Variants in INO80D observed in about 807,000 individuals in gnomAD.
The protein encoded by INO80D is INO80 complex subunit D.
In INO80D, 21 loss-of-function variants were observed where a neutral mutation model predicts 87.6. That is an observed-to-expected ratio of 0.24 (90% confidence interval 0.17 to 0.35). The LOEUF (loss-of-function observed/expected upper bound fraction) is 0.35, where lower values mean the gene tolerates loss of function less well. Among genes scored for constraint, INO80D ranks in the 10% least tolerant of loss-of-function variants. INO80D has a pLI of 1.00. For missense variants in INO80D, 982 were observed against 1,280.7 expected, an observed-to-expected ratio of 0.77 and a Z score of 3.56; for synonymous variants, 440 against 491.0, an observed-to-expected ratio of 0.90 and a Z score of 1.37.
Position 206,063,044 on chromosome 2 carries a change from A to C in INO80D, c.-28T>G. 1 of 1,494,658 alleles carries C rather than the reference A, an allele frequency of 6.7e-7. No individual in the cohort carries two copies. The highest frequency in any genetic ancestry group is 1.2e-5 in the South Asian group (1 of 86,786). 92.6% of individuals were successfully genotyped at this position (1,494,658 alleles called of 1,614,324 possible). On this transcript the variant is annotated splice_region_variant and 5_prime_UTR_variant, in exon 3 of 11. Coordinates refer to ENST00000403263, the MANE Select transcript of INO80D (RefSeq NM_017759.5). ...CGTGACTCTATTCCTTGTGAACATC[A>C]GCTAAAAGGCCACCACAAAAAAAGA...
rs570820601 is a variant in INO80D, at chr2:206,022,541, T to C, written c.1299-2696A>G. ...TTGACATGCCCTATTGCACCCCCCATAAATAATGATGTTTCCATACAAACA... is the reference window on the plus strand; with the variant it reads ...TTGACATGCCCTATTGCACCCCCCACAAATAATGATGTTTCCATACAAACA... On this transcript the variant is annotated intron_variant, in intron 6 of 10. Coordinates refer to ENST00000403263, the MANE Select transcript of INO80D (RefSeq NM_017759.5). 3.3e-5 allele frequency among the ~76,000 whole-genome samples: 5 copies of C among 152,236 alleles called. No individual in the cohort carries two copies. The South Asian group carries it at 1.0e-3, about 32-fold the overall frequency.
chr2:206,036,692 A>G (rs887629377), intron 5 of INO80D, among the ~76,000 whole-genome samples: 5 of 152,132 alleles, frequency 3.3e-5, no homozygotes, highest in African/African-American at 1.2e-4. Context: ...TACCACCTGT[A>G]CCCCAATAAC....
At chr2:206,073,077 ATCC>A (rs777962653) in intron 1 of INO80D, among the ~76,000 whole-genome samples, 4 of 151,928 alleles carry the variant, frequency 2.6e-5, no homozygotes, top group Non-Finnish European at 5.9e-5. Context: ...GCCTCAAGTG[ATCC>A]TCCTGCTTCA....
intron 1 of INO80D, among the ~76,000 whole-genome samples, chr2:206,068,183 C>T (rs551042348): frequency 2.0e-5 from 3 of 152,270 alleles, no homozygotes; most frequent in South Asian, 4.1e-4. Flanking sequence ...ACTGCAACCT[C>T]AAACTTCTGG....
At chr2:206,072,688 A>C (rs1690006897) in intron 1 of INO80D, among the ~76,000 whole-genome samples, 1 of 152,192 alleles carries the variant, frequency 6.6e-6, no homozygotes, top group Non-Finnish European at 1.5e-5. Context: ...AAGAATAGAG[A>C]TCTCAGTACT....
Position 206,007,186 on chromosome 2 carries a change from GT to G in INO80D, c.1918+97del, listed in dbSNP as rs1688049501. On this transcript the variant is annotated intron_variant, in intron 10 of 10. Coordinates refer to ENST00000403263, the MANE Select transcript of INO80D (RefSeq NM_017759.5). ...CTATCTACAGTGAAAGACATTACATGTGAGGAGGAATATGATAAACACATCT... is the reference window on the plus strand; with the variant it reads ...CTATCTACAGTGAAAGACATTACATGGAGGAGGAATATGATAAACACATCT... 8 of 1,007,516 alleles carry G rather than the reference GT, an allele frequency of 7.9e-6. No individual in the cohort carries two copies. The Admixed American group carries it at 1.0e-4, about 13-fold the overall frequency. 62.4% of individuals were successfully genotyped at this position (1,007,516 alleles called of 1,614,324 possible). A position where few individuals can be genotyped will look rare whatever the true frequency, so the allele number is the denominator to read the frequency against.
At chr2:206,009,921 T>C (rs922137101) in intron 8 of INO80D, 127 bp from the exon 9 acceptor site, 4 of 681,258 alleles carry the variant, frequency 5.9e-6, no homozygotes, top group Non-Finnish European at 9.7e-6. Context: ...CCCAAAACTA[T>C]GTATAACAAT....
At chr2:206,053,111 C>G (rs564666315) in intron 4 of INO80D, among the ~76,000 whole-genome samples, 1 of 151,212 alleles carries the variant, frequency 6.6e-6, no homozygotes, top group South Asian at 2.1e-4. Flanking sequence ...CAACATATAT[C>G]AAAACTTTTT....
chr2:206,068,250 C>A (rs1172522038), intron 1 of INO80D, among the ~76,000 whole-genome samples: 1 of 152,114 alleles, frequency 6.6e-6, no homozygotes, highest in Non-Finnish European at 1.5e-5. Flanking sequence ...AAGTATGTGC[C>A]ACCATATCTG....
chr2:206,028,163 A>T lies in INO80D; in HGVS notation c.1246T>A (p.Cys416Ser), dbSNP rs1163915802. ...LLQAASKEPE[C>S]TGQLIQELRR... Reference sequence around the variant, plus strand: ...AGTTCTTGTATTAACTGACCAGTGCATTCTGGTTCTTTACTGGCCGCCTGC... The same window carrying T: ...AGTTCTTGTATTAACTGACCAGTGCTTTCTGGTTCTTTACTGGCCGCCTGC... The change falls in exon 6 of 11, where the codon TGC becomes AGC. Residue 416 changes from cysteine to serine, a missense_variant. Physicochemically the swap from Cys to Ser is moderately radical, Grantham distance 112. Coordinates refer to ENST00000403263, the MANE Select transcript of INO80D (RefSeq NM_017759.5). 1 of 1,579,370 alleles carries T rather than the reference A, an allele frequency of 6.3e-7. No homozygotes were observed. Among genetic ancestry groups the T allele is most frequent in the Non-Finnish European group, 8.6e-7 (1 of 1,162,968 alleles).
chr2:206,055,277 C>G (rs575386111), intron 4 of INO80D, among the ~76,000 whole-genome samples: 1 of 152,090 alleles, frequency 6.6e-6, no homozygotes, highest in East Asian at 1.9e-4. Flanking sequence ...ACCAATCAAA[C>G]TATTAATAGA....
intron 5 of INO80D, among the ~76,000 whole-genome samples, chr2:206,038,919 T>A (rs955847956): frequency 6.6e-6 from 1 of 152,138 alleles, no homozygotes; most frequent in Non-Finnish European, 1.5e-5. Context: ...CCAAACAAGA[T>A]AATGTAGCTA....
At chr2:206,041,825 A>C (rs1048717065) in intron 5 of INO80D, among the ~76,000 whole-genome samples, 33 of 152,222 alleles carry the variant, frequency 2.2e-4, no homozygotes, top group Non-Finnish European at 3.5e-4. Context: ...TAGCCCATAG[A>C]TCAAACAAGA....
chr2:206,061,898 C>G (rs900896926), intron 3 of INO80D, among the ~76,000 whole-genome samples: 1 of 152,114 alleles, frequency 6.6e-6, no homozygotes, highest in South Asian at 2.1e-4. Context: ...CTAGAGATAA[C>G]AAGTATCTTG....
intron 4 of INO80D, among the ~76,000 whole-genome samples, chr2:206,055,173 A>G (rs1404060299): frequency 6.6e-6 from 1 of 152,220 alleles, no homozygotes; most frequent in Non-Finnish European, 1.5e-5. Context: ...TATTGCTGTC[A>G]TATTATGCAA....
At chr2:206,028,360 A>G (rs1311796127) in intron 5 of INO80D, 25 bp from the exon 6 acceptor site, 1 of 1,534,214 alleles carries the variant, frequency 6.5e-7, no homozygotes, top group Non-Finnish European at 8.9e-7. Context: ...GAGAGAAAGG[A>G]AAAACTGATT....
chr2:206,075,039 C>A (rs199504484), intron 1 of INO80D, among the ~76,000 whole-genome samples: 195 of 117,632 alleles, frequency 1.7e-3, no homozygotes, highest in South Asian at 1.9e-3. Context: ...AACTCCATCT[C>A]AAAAAAAAAA....
intron 1 of INO80D, among the ~76,000 whole-genome samples, chr2:206,067,778 T>C (rs553697039): frequency 3.3e-5 from 5 of 152,100 alleles, no homozygotes; most frequent in African/African-American, 4.8e-5. Context: ...AAGAAACCTA[T>C]ACGAACATCA....
chr2:206,039,214 A>G (rs1192376618), intron 5 of INO80D, among the ~76,000 whole-genome samples: 1 of 152,064 alleles, frequency 6.6e-6, no homozygotes, highest in Non-Finnish European at 1.5e-5. Context: ...CCTGACCAAC[A>G]TGGAAAAACC....
Sources: allele counts gnomAD v4.1 joint callset (sites outside exome capture counted in the v4.1 genomes callset), GRCh38; gene constraint gnomAD v4.1.1; transcripts MANE v1.5; gene names NCBI Gene and HGNC (gene_info 2026-07-23, HGNC 2026-07-21).